RGS9: variants seen among roughly 807,000 people sequenced by gnomAD.
RGS9 encodes regulator of G-protein signalling 9.
In RGS9, 78 loss-of-function variants were observed where a neutral mutation model predicts 102.0. The observed-to-expected ratio is 0.76, with a 90% CI of 0.64 to 0.92. The LOEUF is 0.92. Among genes scored for constraint, RGS9 ranks in the 40% least tolerant of loss-of-function variants. The pLI is 0.00. For missense variants in RGS9, 833 were observed against 866.1 expected (o/e 0.96, Z 0.48); for synonymous variants, 353 against 318.6 (o/e 1.11, Z -1.15).
chr17:65,212,142 C>A (rs1315019723), intron 17 of RGS9, among the ~76,000 whole-genome samples: 1 of 152,188 alleles, frequency 6.6e-6, no homozygotes, highest in East Asian at 1.9e-4. Context: ...ATAGTCTCTT[C>A]TACTTTATTT....
intron 2 of RGS9, among the ~76,000 whole-genome samples, chr17:65,157,055 A>G (rs1299650823): frequency 6.6e-6 from 1 of 152,142 alleles, no homozygotes; most frequent in African/African-American, 2.4e-5. Context: ...GAGCGTGTAT[A>G]TGGGTCATAA....
intron 6 of RGS9, among the ~76,000 whole-genome samples, chr17:65,162,556 A>G (rs558830512): frequency 3.2e-4 from 48 of 151,990 alleles, no homozygotes; most frequent in African/African-American, 1.2e-3. Flanking sequence ...TCTGCCTCCC[A>G]GGTTCATGCC....
At position 65,141,403 on chromosome 17, in the gene RGS9, G is replaced by A. The variant is rs574420036; in HGVS notation, c.57+3806G>A. ...GGCGAATTTCTTGGACTTTCTTGGA[G>A]AAGCCTTCTGGTGACAGCTTTGTTT... On this transcript the variant is annotated intron_variant, in intron 1 of 18. Transcript: ENST00000262406. Among the ~76,000 whole-genome samples the A allele has an allele frequency of 7.9e-5, 12 of 152,352 alleles. No homozygotes were observed. In the South Asian group the frequency reaches 2.1e-3, roughly 26 times the overall value.
At chr17:65,197,385 C>A in intron 13 of RGS9, 144 bp downstream of exon 13, 1 of 683,360 alleles carries the variant, frequency 1.5e-6, no homozygotes, top group Non-Finnish European at 2.6e-6. Context: ...CCTTTCACAG[C>A]TTTAAGAATG....
intron 1 of RGS9, among the ~76,000 whole-genome samples, chr17:65,142,899 C>G (rs575458196): frequency 2.9e-4 from 44 of 151,920 alleles, no homozygotes; most frequent in Non-Finnish European, 4.7e-4. Flanking sequence ...CTTTTTGTTT[C>G]TTTCTTTCTT....
At position 65,145,550 on chromosome 17, in the gene RGS9, ATTTT is replaced by A. The variant is rs776371602; in HGVS notation, c.58-7861_58-7858del. The stretch of plus-strand genomic sequence containing the variant: ...TTGTAGCCTGCCACCACTCCTGGCT[ATTTT>A]TTTTTTTTTTAATATATTTTTAATA... On this transcript the variant is annotated intron_variant, in intron 1 of 18. Transcript: ENST00000262406. Among the ~76,000 whole-genome samples, 17 of 108,038 alleles carry A rather than the reference ATTTT, an allele frequency of 1.6e-4. No individual in the cohort carries two copies. In the East Asian group the frequency reaches 3.7e-3, roughly 24 times the overall value. The allele number at this position is 108,038 out of a possible 152,430, so 70.9% of individuals were successfully genotyped here. A position where few individuals can be genotyped will look rare whatever the true frequency, so the allele number is the denominator to read the frequency against.
chr17:65,193,481 T>C (rs2144072082), intron 11 of RGS9, 62 bp from the exon 12 acceptor site: 3 of 980,122 alleles, frequency 3.1e-6, no homozygotes, highest in Non-Finnish European at 5.0e-6. Context: ...AGTTGACCTG[T>C]GTATTGATGT....
Position 65,153,459 on chromosome 17 carries a change from C to T in RGS9, c.95C>T (p.Thr32Ile), listed in dbSNP as rs915101244. ...GTGAAGGACATGCAGAACCCAGAGA[C>T]AGGGGTCCGAATGCAGAACCAGAGG... ...ALVKDMQNPE[T>I]GVRMQNQRVL... Residue 32 changes from threonine (T) to isoleucine (I), a missense_variant, in exon 2 of 19, where the codon ACA becomes ATA. Physicochemically the swap from Thr to Ile is moderately conservative, Grantham distance 89 (BLOSUM62 -1). This residue lies in a region of RGS9 where 328 missense variants were observed against 340.6 expected (regional missense o/e 0.96). Transcript: ENST00000262406. 3 of 1,614,086 alleles carry T rather than the reference C, an allele frequency of 1.9e-6. No homozygotes were observed. The highest frequency in any genetic ancestry group is 2.2e-5 in the South Asian group (2 of 91,094).
intron 9 of RGS9, among the ~76,000 whole-genome samples, chr17:65,181,008 A>C (rs1911865002): frequency 1.3e-5 from 2 of 152,218 alleles, no homozygotes; most frequent in African/African-American, 4.8e-5. Flanking sequence ...ATAGTATTCC[A>C]TGGTATATAT....
chr17:65,218,711 G>A (rs1409130529), intron 17 of RGS9, among the ~76,000 whole-genome samples: 1 of 152,006 alleles, frequency 6.6e-6, no homozygotes, highest in African/African-American at 2.4e-5. Context: ...TCACTCTCTT[G>A]CTTCTTGTAA....
chr17:65,188,397 C>T (rs1220510218), intron 9 of RGS9, among the ~76,000 whole-genome samples: 3 of 152,164 alleles, frequency 2.0e-5, no homozygotes, highest in African/African-American at 4.8e-5. Flanking sequence ...CAGCTCAACT[C>T]GGGGACTCAG....
chr17:65,158,105 A>G (rs1416030132), intron 2 of RGS9, among the ~76,000 whole-genome samples, 190 bp from the exon 3 acceptor site: 2 of 152,150 alleles, frequency 1.3e-5, no homozygotes, highest in African/African-American at 4.8e-5. Flanking sequence ...GAGTCAGATC[A>G]TGGATAGCCT....
At chr17:65,189,161 A>G (rs1160434600) in intron 9 of RGS9, 125 bp from the exon 10 acceptor site, 1 of 761,872 alleles carries the variant, frequency 1.3e-6, no homozygotes, top group Non-Finnish European at 2.3e-6. Context: ...GAGAAATCCT[A>G]TCTTTTAAGA....
chr17:65,214,647 G>C (rs1473753310), intron 17 of RGS9, among the ~76,000 whole-genome samples: 1 of 152,190 alleles, frequency 6.6e-6, no homozygotes, highest in Non-Finnish European at 1.5e-5. Flanking sequence ...GCAGCTTATT[G>C]GGTCAGGAAA....
chr17:65,183,502 G>T (rs528391195), intron 9 of RGS9, among the ~76,000 whole-genome samples: 2 of 152,222 alleles, frequency 1.3e-5, no homozygotes, highest in African/African-American at 4.8e-5. Context: ...TCACCATGTT[G>T]CCCAGGCTGA....
intron 14 of RGS9, among the ~76,000 whole-genome samples, 200 bp from the exon 15 acceptor site, chr17:65,203,963 A>G (rs532624296): frequency 6.6e-6 from 1 of 152,252 alleles, no homozygotes; most frequent in Non-Finnish European, 1.5e-5. Flanking sequence ...CATATTCCCA[A>G]TACTGGAAGT....
At chr17:65,183,701 C>T (rs1028033896) in intron 9 of RGS9, among the ~76,000 whole-genome samples, 1 of 152,156 alleles carries the variant, frequency 6.6e-6, no homozygotes, top group Non-Finnish European at 1.5e-5. Flanking sequence ...CGATTCCTCA[C>T]GGTTCTCCCC....
intron 13 of RGS9, 146 bp downstream of exon 13, chr17:65,197,387 T>C (rs1912637181): frequency 1.5e-6 from 1 of 682,114 alleles, no homozygotes; most frequent in Non-Finnish European, 2.6e-6. Context: ...TTTCACAGCT[T>C]TAAGAATGGG....
In RGS9 at chr17:65,177,706, C is replaced by T. The variant is rs546395071; in HGVS notation, c.583-26C>T. ...AAACTGGAGACTCTCCCTGTAATGA[C>T]CTTATGTTGTTTTTATTCCATTTAG... On this transcript the variant is annotated intron_variant, in intron 8 of 18. Coordinates refer to ENST00000262406, the MANE Select transcript of RGS9 (RefSeq NM_003835.4). The T allele has an allele frequency of 7.5e-6, 12 of 1,606,948 alleles. No individual in the cohort carries two copies. The African/African-American group carries it at 1.1e-4, about 14-fold the overall frequency.
Sources: gnomAD v4.1 joint callset for allele counts (sites outside exome capture counted in the v4.1 genomes callset) on GRCh38, gnomAD v4.1.1 for gene constraint, gnomAD v4.1.1 regional missense constraint, MANE v1.5 for transcripts, NCBI Gene and HGNC (gene_info 2026-07-23, HGNC 2026-07-21) for gene names.